Variants in RBFOX1 observed in about 807,000 individuals in gnomAD.
RBFOX1 encodes RNA binding fox-1 homolog 1.
Under a neutral mutation model 57.7 loss-of-function variants are expected in RBFOX1, and 8 were observed. That is an observed-to-expected ratio of 0.14 (90% CI 0.08 to 0.25). The LOEUF is 0.25. Ranked by LOEUF, RBFOX1 falls within the 10% of genes least tolerant of loss-of-function variation. RBFOX1 has a pLI of 1.00. For missense variants in RBFOX1, 611 were observed against 548.5 expected (o/e 1.11, Z -1.14); for synonymous variants, 326 against 222.4 (o/e 1.47, Z -4.15).
At chr16:6,644,117 C>T (rs1434805735) in intron 2 of RBFOX1, among the ~76,000 whole-genome samples, 1 of 152,180 alleles carries the variant, frequency 6.6e-6, no homozygotes, top group Non-Finnish European at 1.5e-5. Context: ...CAGAGCGAGA[C>T]TCCATCTCAA....
At chr16:7,441,405 G>A (rs1214812648) in intron 4 of RBFOX1, among the ~76,000 whole-genome samples, 2 of 152,186 alleles carry the variant, frequency 1.3e-5, no homozygotes, top group African/African-American at 4.8e-5. Context: ...TGCTCTGAGA[G>A]ATGATGTTGC....
chr16:7,433,748 A>G lies in RBFOX1; in HGVS notation c.28-84399A>G, dbSNP rs542006809. Among the ~76,000 whole-genome samples, 3 of 152,244 alleles carry G rather than the reference A, an allele frequency of 2.0e-5. No individual in the cohort carries two copies. In the South Asian group the frequency reaches 6.2e-4, roughly 32 times the overall value. On this transcript the variant is annotated intron_variant, in intron 4 of 15. Transcript: ENST00000550418. ...CACCCATCCACCCAACCACCCATCCATCTAATTATCCAGTCATCTAACTAT... is the reference window on the plus strand; with the variant it reads ...CACCCATCCACCCAACCACCCATCCGTCTAATTATCCAGTCATCTAACTAT...
chr16:7,462,052 C>T (rs932583094), intron 4 of RBFOX1, among the ~76,000 whole-genome samples: 6 of 152,254 alleles, frequency 3.9e-5, no homozygotes, highest in African/African-American at 1.4e-4. Context: ...GCTGTGGGGA[C>T]AATAGAACTG....
At chr16:7,211,569 C>T (rs528501252) in intron 4 of RBFOX1, among the ~76,000 whole-genome samples, 3 of 151,974 alleles carry the variant, frequency 2.0e-5, no homozygotes, top group African/African-American at 7.3e-5. Flanking sequence ...CAAAAAAGGC[C>T]TTGAGTCTTA....
intron 3 of RBFOX1, among the ~76,000 whole-genome samples, chr16:6,671,336 T>A (rs1325745138): frequency 2.0e-5 from 3 of 152,212 alleles, no homozygotes; most frequent in African/African-American, 7.2e-5. Context: ...CATGGAATAG[T>A]AATTGATATA....
At chr16:6,669,507 TG>T (rs1378895045) in intron 3 of RBFOX1, among the ~76,000 whole-genome samples, 1 of 152,204 alleles carries the variant, frequency 6.6e-6, no homozygotes, top group African/African-American at 2.4e-5. Flanking sequence ...GCAGTATGAT[TG>T]ACAAGTAAAA....
intron 4 of RBFOX1, among the ~76,000 whole-genome samples, chr16:5,985,228 C>T (rs8046510): frequency 6.6e-6 from 1 of 151,086 alleles, no homozygotes; most frequent in African/African-American, 2.4e-5. Context: ...TCCTGACCTC[C>T]TGATCCATCC....
chr16:6,126,894 A>T (rs1038087430), intron 1 of RBFOX1, among the ~76,000 whole-genome samples: 1 of 152,224 alleles, frequency 6.6e-6, no homozygotes, highest in East Asian at 1.9e-4. Flanking sequence ...CAAAGAAGCA[A>T]ACAGCTCAGA....
At chr16:6,768,984 C>T (rs1035854011) in intron 3 of RBFOX1, among the ~76,000 whole-genome samples, 2 of 152,110 alleles carry the variant, frequency 1.3e-5, no homozygotes, top group African/African-American at 4.8e-5. Context: ...GCCTCGGGCT[C>T]CCAAAGTGTT....
At chr16:6,290,346 G>A (rs1271117918) in intron 1 of RBFOX1, among the ~76,000 whole-genome samples, 3 of 150,766 alleles carry the variant, frequency 2.0e-5, no homozygotes, top group Non-Finnish European at 4.4e-5. Context: ...ATGAGGGGAA[G>A]ACATTTAGAA....
At chr16:7,372,018 C>T (rs11641395) in intron 4 of RBFOX1, among the ~76,000 whole-genome samples, 1 of 151,900 alleles carries the variant, frequency 6.6e-6, no homozygotes, top group East Asian at 2.0e-4. Context: ...ACTGAGTTAT[C>T]TGATAGAGAT....
At chr16:7,133,853 T>C (rs1345192650) in intron 4 of RBFOX1, among the ~76,000 whole-genome samples, 1 of 152,186 alleles carries the variant, frequency 6.6e-6, no homozygotes, top group Admixed American at 6.5e-5. Context: ...ATGCCCATTT[T>C]GAAATATCAT....
At chr16:6,014,803 T>C (rs1210978392), upstream of RBFOX1, among the ~76,000 whole-genome samples, 1 of 152,126 alleles carries the variant, frequency 6.6e-6, no homozygotes, top group Non-Finnish European at 1.5e-5. Context: ...CTTCTGTGAC[T>C]GCTATTGAAA....
Position 7,595,590 on chromosome 16 carries a change from C to G in RBFOX1, c.510C>G (p.Asp170Glu). 6.4e-7 allele frequency: 1 copy of G among 1,567,070 alleles called. No homozygotes were observed. Among genetic ancestry groups the G allele is most frequent in the South Asian group, 1.2e-5 (1 of 82,080 alleles). ...FVTFENSADA[D>E]RAREKLHGTV... Reference sequence around the variant, plus strand: ...CTTTCGAAAATAGTGCCGATGCGGACAGGGCGAGGGAGAAATTACACGGCA... The same window carrying G: ...CTTTCGAAAATAGTGCCGATGCGGAGAGGGCGAGGGAGAAATTACACGGCA... Residue 170 changes from aspartate (D) to glutamate (E), a missense_variant, in exon 8 of 16, where the codon GAC becomes GAG. Physicochemically the swap from Asp to Glu is conservative, Grantham distance 45. Transcript: ENST00000550418.
intron 2 of RBFOX1, among the ~76,000 whole-genome samples, chr16:6,470,427 G>T (rs2153079270): frequency 6.6e-6 from 1 of 152,350 alleles, no homozygotes; most frequent in South Asian, 2.1e-4. Flanking sequence ...TTATTCAAAT[G>T]AGTTTTAAAA....
At chr16:6,354,259 A>T (rs994375490) in intron 2 of RBFOX1, among the ~76,000 whole-genome samples, 13 of 151,726 alleles carry the variant, frequency 8.6e-5, no homozygotes, top group Non-Finnish European at 1.3e-4. Flanking sequence ...AGATATATAT[A>T]AAAAAAATAG....
intron 13 of RBFOX1, among the ~76,000 whole-genome samples, chr16:7,673,231 T>C (rs2072159299): frequency 6.6e-6 from 1 of 152,130 alleles, no homozygotes; most frequent in Non-Finnish European, 1.5e-5. Flanking sequence ...AGTGAAAACT[T>C]TGATTTAAGC....
At chr16:5,933,858 G>A (rs1159894310) in intron 4 of RBFOX1, among the ~76,000 whole-genome samples, 1 of 151,822 alleles carries the variant, frequency 6.6e-6, no homozygotes, top group Non-Finnish European at 1.5e-5. Context: ...AAACTCGAGT[G>A]ATGGGGGTTT....
chr16:7,699,779 CAT>C (rs935989131), intron 14 of RBFOX1, among the ~76,000 whole-genome samples: 41 of 151,836 alleles, frequency 2.7e-4, no homozygotes, highest in African/African-American at 9.4e-4. Flanking sequence ...TTTAAAATGA[CAT>C]ATGTCTTGCA....
Sources: allele counts gnomAD v4.1 joint callset (sites outside exome capture counted in the v4.1 genomes callset), GRCh38; gene constraint gnomAD v4.1.1; transcripts MANE v1.5; gene names NCBI Gene and HGNC (gene_info 2026-07-23, HGNC 2026-07-21).